MCU: variants seen among roughly 807,000 people sequenced by gnomAD.
MCU encodes mitochondrial calcium uniporter, also known as calcium uniporter protein, mitochondrial.
MCU carries 12 observed loss-of-function variants against 45.2 expected under a neutral mutation model. The observed-to-expected ratio is 0.27, with a 90% CI of 0.17 to 0.43. The LOEUF is 0.43. Among genes scored for constraint, MCU ranks in the 20% least tolerant of loss-of-function variants. The pLI is 1.00. For synonymous variants in MCU, 160 were observed against 165.1 expected (o/e 0.97, Z 0.24); for missense variants, 324 against 436.7 (o/e 0.74, Z 2.30).
At chr10:72,750,292 G>A (rs1159324662) in intron 1 of MCU, among the ~76,000 whole-genome samples, 2 of 152,308 alleles carry the variant, frequency 1.3e-5, no homozygotes, top group East Asian at 3.9e-4. Flanking sequence ...TCCCATATCT[G>A]CAAGAAGGTT....
At chr10:72,765,900 C>CA (rs1168837369) in intron 1 of MCU, among the ~76,000 whole-genome samples, 1 of 151,672 alleles carries the variant, frequency 6.6e-6, no homozygotes, top group East Asian at 1.9e-4. Flanking sequence ...ATCTTGCTCC[C>CA]AGGCTGGAAG....
intron 1 of MCU, among the ~76,000 whole-genome samples, chr10:72,707,881 C>T (rs1842843672): frequency 6.6e-6 from 1 of 151,788 alleles, no homozygotes; most frequent in Non-Finnish European, 1.5e-5. Flanking sequence ...ACTATGTTGT[C>T]CAGACTGGTC....
intron 6 of MCU, among the ~76,000 whole-genome samples, chr10:72,876,480 C>T (rs1359994561): frequency 1.3e-5 from 2 of 152,176 alleles, no homozygotes; most frequent in Non-Finnish European, 2.9e-5. Context: ...TTTATCCTAT[C>T]TATATCTAGG....
intron 1 of MCU, among the ~76,000 whole-genome samples, chr10:72,794,796 G>T (rs1383996174): frequency 1.3e-5 from 2 of 151,968 alleles, no homozygotes; most frequent in Non-Finnish European, 2.9e-5. Context: ...TATCTGTGAG[G>T]CCTGCCCTTA....
At chr10:72,820,412 A>G (rs1844692942) in intron 1 of MCU, among the ~76,000 whole-genome samples, 1 of 152,144 alleles carries the variant, frequency 6.6e-6, no homozygotes, top group African/African-American at 2.4e-5. Flanking sequence ...TAGTTGCTGT[A>G]GGGTAAACAT....
chr10:72,839,311 G>T (rs569776284), intron 2 of MCU, among the ~76,000 whole-genome samples: 2 of 151,962 alleles, frequency 1.3e-5, no homozygotes, highest in African/African-American at 4.8e-5. Flanking sequence ...TCTTTGGACC[G>T]CTTGCTTGTT....
chr10:72,817,208 G>A (rs1273938902), intron 1 of MCU, among the ~76,000 whole-genome samples: 1 of 152,066 alleles, frequency 6.6e-6, no homozygotes, highest in Non-Finnish European at 1.5e-5. Flanking sequence ...TCAAGCTTCC[G>A]CCTTGGAGAA....
chr10:72,714,833 A>C (rs548358493), intron 1 of MCU, among the ~76,000 whole-genome samples: 1 of 152,134 alleles, frequency 6.6e-6, no homozygotes, highest in Non-Finnish European at 1.5e-5. Flanking sequence ...GGCGTGAGCC[A>C]CTGCGCCCTG....
At chr10:72,832,301 GTATGT>G (rs1423897903) in intron 1 of MCU, among the ~76,000 whole-genome samples, 1 of 152,144 alleles carries the variant, frequency 6.6e-6, no homozygotes, top group Non-Finnish European at 1.5e-5. Flanking sequence ...GATTACGTAT[GTATGT>G]TATATTAATT....
intron 1 of MCU, among the ~76,000 whole-genome samples, chr10:72,742,992 TGTGAGAGAGTGAA>T (rs1329523811): frequency 6.6e-6 from 1 of 151,764 alleles, no homozygotes; most frequent in Non-Finnish European, 1.5e-5. Flanking sequence ...TGTGAGAGTG[TGTGAGAGAGTGAA>T]GTGAGAGAGT....
At chr10:72,718,058 A>T (rs1177253879) in intron 1 of MCU, among the ~76,000 whole-genome samples, 1 of 152,172 alleles carries the variant, frequency 6.6e-6, no homozygotes, top group Non-Finnish European at 1.5e-5. Flanking sequence ...CTGTATTCAG[A>T]TTCCCTTAGT....
chr10:72,770,142 T>G (rs746116535), intron 1 of MCU, among the ~76,000 whole-genome samples: 2 of 152,194 alleles, frequency 1.3e-5, no homozygotes, highest in Non-Finnish European at 2.9e-5. Flanking sequence ...CTAATTTTAT[T>G]TCATTGTGAT....
At chr10:72,869,094 G>T (rs1845501412) in intron 5 of MCU, among the ~76,000 whole-genome samples, 1 of 152,136 alleles carries the variant, frequency 6.6e-6, no homozygotes, top group Non-Finnish European at 1.5e-5. Flanking sequence ...TAAATGCACT[G>T]CCCTTAACCA....
At chr10:72,853,970 CT>C (rs1845248771) in intron 2 of MCU, among the ~76,000 whole-genome samples, 1 of 152,086 alleles carries the variant, frequency 6.6e-6, no homozygotes, top group Non-Finnish European at 1.5e-5. Context: ...CCTATCTCTA[CT>C]AAAAATACAA....
intron 1 of MCU, among the ~76,000 whole-genome samples, chr10:72,702,388 A>G (rs1332151593): frequency 6.6e-6 from 1 of 152,222 alleles, no homozygotes; most frequent in Non-Finnish European, 1.5e-5. Flanking sequence ...CCTTCTGGCA[A>G]AATACTATTC....
At chr10:72,765,771 A>G (rs1843716331) in intron 1 of MCU, among the ~76,000 whole-genome samples, 1 of 147,836 alleles carries the variant, frequency 6.8e-6, no homozygotes, top group Non-Finnish European at 1.5e-5. Flanking sequence ...TGGGTAACAA[A>G]GCCAGACGCT....
chr10:72,871,996 A>T (rs944931596), intron 6 of MCU, among the ~76,000 whole-genome samples: 8 of 152,194 alleles, frequency 5.3e-5, no homozygotes, highest in Non-Finnish European at 2.9e-5. Flanking sequence ...AATTGGTGAT[A>T]ACTAATCAAA....
intron 1 of MCU, among the ~76,000 whole-genome samples, chr10:72,805,467 G>A (rs1162024562): frequency 6.6e-6 from 1 of 151,494 alleles, no homozygotes; most frequent in African/African-American, 2.4e-5. Context: ...CAGGGTGGTT[G>A]AACTCCCAAG....
chr10:72,744,147 C>G (rs769542771), intron 1 of MCU, among the ~76,000 whole-genome samples: 2 of 150,844 alleles, frequency 1.3e-5, no homozygotes, highest in Non-Finnish European at 2.9e-5. Flanking sequence ...ATATAGTTTA[C>G]AAATTCTTTC....
Sources: allele counts gnomAD v4.1 joint callset (sites outside exome capture counted in the v4.1 genomes callset), GRCh38; gene constraint gnomAD v4.1.1; transcripts MANE v1.5; gene names NCBI Gene and HGNC (gene_info 2026-07-23, HGNC 2026-07-21).